GDAP2: variants seen among roughly 807,000 people sequenced by gnomAD.
The protein encoded by GDAP2 is ganglioside induced differentiation associated protein 2.
In GDAP2, 51 loss-of-function variants were observed where a neutral mutation model predicts 67.0. The observed-to-expected ratio is 0.76, with a 90% CI of 0.61 to 0.96. The LOEUF is 0.96. GDAP2 is among the 40% of genes least tolerant of loss of function. GDAP2 has a pLI of 0.00. For missense variants in GDAP2, 547 were observed against 588.3 expected, an observed-to-expected ratio of 0.93 and a Z score of 0.73; for synonymous variants, 203 against 207.3, an observed-to-expected ratio of 0.98 and a Z score of 0.18.
chr1:117,889,309 T>C (rs1648985731), intron 8 of GDAP2, among the ~76,000 whole-genome samples: 1 of 150,160 alleles, frequency 6.7e-6, no homozygotes, highest in African/African-American at 2.5e-5. Flanking sequence ...TCTCACATAT[T>C]TATCATTTTT....
intron 6 of GDAP2, among the ~76,000 whole-genome samples, chr1:117,904,277 T>C (rs565230159): frequency 6.6e-6 from 1 of 152,184 alleles, no homozygotes; most frequent in Admixed American, 6.5e-5. Context: ...GCATGAGCCA[T>C]TGTGTCTTTC....
At chr1:117,926,522 T>C (rs569670807) in intron 1 of GDAP2, among the ~76,000 whole-genome samples, 1 of 152,180 alleles carries the variant, frequency 6.6e-6, no homozygotes. Flanking sequence ...TTAACAGAGG[T>C]TGAATTCTTT....
At chr1:117,879,532 A>G (rs1439962076) in intron 12 of GDAP2, among the ~76,000 whole-genome samples, 4 of 152,162 alleles carry the variant, frequency 2.6e-5, no homozygotes, top group Admixed American at 2.6e-4. Context: ...TTTACTGAGC[A>G]CTTATTATAC....
chr1:117,919,815 TA>T (rs1650179892), intron 2 of GDAP2, among the ~76,000 whole-genome samples: 1 of 151,232 alleles, frequency 6.6e-6, no homozygotes, highest in Non-Finnish European at 1.5e-5. Flanking sequence ...CAATTCAATT[TA>T]AATAAAACCC....
intron 1 of GDAP2, among the ~76,000 whole-genome samples, chr1:117,925,404 G>A (rs907132828): frequency 5.9e-5 from 9 of 151,990 alleles, no homozygotes; most frequent in African/African-American, 2.2e-4. Flanking sequence ...AGTGAGCTGA[G>A]ATCACACCAC....
intron 6 of GDAP2, among the ~76,000 whole-genome samples, chr1:117,905,582 T>C (rs1440180581): frequency 2.6e-5 from 4 of 152,130 alleles, no homozygotes; most frequent in Non-Finnish European, 5.9e-5. Flanking sequence ...ATCACAATTA[T>C]CTGAATTTAT....
intron 6 of GDAP2, among the ~76,000 whole-genome samples, chr1:117,906,268 C>A (rs1159701285): frequency 6.6e-6 from 1 of 152,130 alleles, no homozygotes; most frequent in Admixed American, 6.6e-5. Flanking sequence ...CCACTTTGTA[C>A]GATTTCACTT....
At chr1:117,891,874 T>C (rs1649095827) in intron 8 of GDAP2, among the ~76,000 whole-genome samples, 1 of 152,256 alleles carries the variant, frequency 6.6e-6, no homozygotes, top group South Asian at 2.1e-4. Context: ...AAGTCCTTAA[T>C]CTATCTAAAG....
At chr1:117,880,251 G>T (rs931633263) in intron 12 of GDAP2, among the ~76,000 whole-genome samples, 19 of 152,128 alleles carry the variant, frequency 1.2e-4, no homozygotes, top group African/African-American at 4.1e-4. Flanking sequence ...GCTAGAAGTA[G>T]GAGAGAAACC....
In GDAP2 at chr1:117,867,954, A is replaced by G. The variant is rs1467135626; in HGVS notation, c.*2615T>C. 1 of 152,198 alleles carries G rather than the reference A, an allele frequency of 6.6e-6. No individual in the cohort carries two copies. The highest frequency in any genetic ancestry group is 1.5e-5 in the Non-Finnish European group (1 of 68,038). The allele number at this position is 152,198 out of a possible 1,614,324, so 9.4% of individuals were successfully genotyped here. A position where few individuals can be genotyped will look rare whatever the true frequency, so the allele number is the denominator to read the frequency against. On this transcript the variant is annotated 3_prime_UTR_variant, in exon 14 of 14. Coordinates refer to ENST00000369443, the MANE Select transcript of GDAP2 (RefSeq NM_017686.4). ...TATGCCTTGCATGATTAATAAATTA[A>G]TATTTTATAACTTGTGTCTTCAACA...
intron 12 of GDAP2, among the ~76,000 whole-genome samples, chr1:117,880,484 G>C (rs1012643868): frequency 6.6e-6 from 1 of 152,200 alleles, no homozygotes; most frequent in Non-Finnish European, 1.5e-5. Context: ...TGGAGATGGT[G>C]AGCATAGAAC....
intron 1 of GDAP2, among the ~76,000 whole-genome samples, chr1:117,924,411 C>T (rs555944589): frequency 6.6e-6 from 1 of 152,318 alleles, no homozygotes; most frequent in African/African-American, 2.4e-5. Flanking sequence ...CATTAGTTTG[C>T]TTAGGATAAT....
At chr1:117,915,791 C>T (rs1392330244) in intron 3 of GDAP2, among the ~76,000 whole-genome samples, 2 of 151,488 alleles carry the variant, frequency 1.3e-5, no homozygotes, top group Non-Finnish European at 2.9e-5. Context: ...GCCAACCCTG[C>T]CTATTCTAAT....
chr1:117,919,080 A>G (rs1392549238), intron 2 of GDAP2, among the ~76,000 whole-genome samples: 2 of 152,242 alleles, frequency 1.3e-5, no homozygotes, highest in Admixed American at 6.5e-5. Flanking sequence ...ATCCTAATAA[A>G]GAATGAAGTA....
intron 5 of GDAP2, among the ~76,000 whole-genome samples, chr1:117,910,403 C>T (rs1190274388): frequency 6.6e-6 from 1 of 151,946 alleles, no homozygotes. Flanking sequence ...AGATCCCTGC[C>T]CCTCAAGCTC....
At chr1:117,913,464 C>G (rs952597043) in intron 3 of GDAP2, 1 of 151,516 alleles carries the variant, frequency 6.6e-6, no homozygotes, top group African/African-American at 2.4e-5. Context: ...AGATGCTCAA[C>G]TAGAGAGTTT....
intron 8 of GDAP2, among the ~76,000 whole-genome samples, chr1:117,889,794 C>T (rs1420846545): frequency 2.0e-5 from 3 of 151,932 alleles, no homozygotes; most frequent in African/African-American, 7.2e-5. Context: ...TATAATGAGA[C>T]TAAACAGCAA....
chr1:117,877,864 A>T (rs1330145402), intron 13 of GDAP2, 145 bp downstream of exon 13: 1 of 1,287,050 alleles, frequency 7.8e-7, no homozygotes, highest in Non-Finnish European at 9.9e-7. Context: ...TAGGGAAAGT[A>T]TGTTAAATGA....
chr1:117,882,827 A>G (rs908976370), intron 11 of GDAP2: 4 of 152,170 alleles, frequency 2.6e-5, no homozygotes, highest in African/African-American at 9.7e-5. Context: ...GGGCTTTTCA[A>G]TGCAATCCAC....
Sources: allele counts gnomAD v4.1 joint callset (sites outside exome capture counted in the v4.1 genomes callset), GRCh38; gene constraint gnomAD v4.1.1; transcripts MANE v1.5; gene names NCBI Gene and HGNC (gene_info 2026-07-23, HGNC 2026-07-21).